NRG1: variants seen among roughly 807,000 people sequenced by gnomAD.
The protein encoded by NRG1 is neuregulin 1.
In NRG1, 18 loss-of-function variants were observed where a neutral mutation model predicts 63.8. That is an observed-to-expected ratio of 0.28 (90% CI 0.19 to 0.42). NRG1 has a LOEUF of 0.42. Among genes scored for constraint, NRG1 ranks in the 10% least tolerant of loss-of-function variants. The pLI is 1.00. For synonymous variants in NRG1, 302 were observed against 301.3 expected, an observed-to-expected ratio of 1.00 and a Z score of -0.02; for missense variants, 762 against 814.7, an observed-to-expected ratio of 0.94 and a Z score of 0.79.
chr8:31,725,533 G>A (rs559579503), intron 1 of NRG1, among the ~76,000 whole-genome samples: 2 of 152,192 alleles, frequency 1.3e-5, no homozygotes, highest in East Asian at 3.9e-4. Flanking sequence ...TCCAGGCACA[G>A]CATTCTGGAT....
chr8:32,326,404 T>C (rs1586841460), intron 1 of NRG1, among the ~76,000 whole-genome samples: 1 of 150,952 alleles, frequency 6.6e-6, no homozygotes, highest in South Asian at 2.1e-4. Context: ...TTCAACTTCC[T>C]GGGCTCAAGC....
intron 1 of NRG1, among the ~76,000 whole-genome samples, chr8:31,813,138 CT>C (rs1823049781): frequency 6.6e-6 from 1 of 152,144 alleles, no homozygotes. Context: ...TCATAGTTTA[CT>C]AAAATTGTTA....
intron 1 of NRG1, among the ~76,000 whole-genome samples, chr8:31,779,402 G>A (rs1006113329): frequency 6.6e-6 from 1 of 151,836 alleles, no homozygotes; most frequent in Non-Finnish European, 1.5e-5. Flanking sequence ...CAGATTGCAG[G>A]CTTTTCTCCG....
At chr8:32,761,876 T>TA (rs1830740211) in intron 11 of NRG1, among the ~76,000 whole-genome samples, 1 of 151,572 alleles carries the variant, frequency 6.6e-6, no homozygotes, top group Non-Finnish European at 1.5e-5. Context: ...CCATCTCTAC[T>TA]AAAAATACAA....
rs1037028152 is a variant in NRG1, at chr8:32,132,133, T to C, written c.38-463695T>C. ...TCATGTTTGAGAAGCAATAATGATA[T>C]GGCAAGAGAGAGGTAAGGGACTACA... On this transcript the variant is annotated intron_variant, in intron 1 of 10. Transcript: ENST00000519301. Among the ~76,000 whole-genome samples, 5 of 152,044 alleles carry C rather than the reference T, an allele frequency of 3.3e-5. No homozygotes were observed. In the South Asian group the frequency reaches 6.2e-4, roughly 19 times the overall value.
intron 1 of NRG1, among the ~76,000 whole-genome samples, chr8:32,450,429 A>C (rs774577517): frequency 6.6e-6 from 1 of 151,976 alleles, no homozygotes; most frequent in Non-Finnish European, 1.5e-5. Context: ...AAAGAAAAAA[A>C]AAATTGAGAC....
intron 1 of NRG1, among the ~76,000 whole-genome samples, chr8:32,344,036 G>A (rs992304862): frequency 2.0e-5 from 3 of 152,270 alleles, no homozygotes; most frequent in East Asian, 1.9e-4. Context: ...ACAGGCTGTT[G>A]TAAAGTCTAG....
intron 1 of NRG1, among the ~76,000 whole-genome samples, chr8:31,944,933 T>C (rs1483308870): frequency 1.3e-5 from 2 of 152,194 alleles, no homozygotes; most frequent in Non-Finnish European, 2.9e-5. Flanking sequence ...AAGTAGACAG[T>C]TAACTTATCA....
At chr8:31,982,903 G>A (rs1019836572) in intron 1 of NRG1, among the ~76,000 whole-genome samples, 2 of 152,064 alleles carry the variant, frequency 1.3e-5, no homozygotes, top group African/African-American at 4.8e-5. Context: ...ATTTATTCCT[G>A]CCGAGTAATC....
At chr8:32,384,776 C>T (rs1199759358) in intron 1 of NRG1, among the ~76,000 whole-genome samples, 6 of 152,126 alleles carry the variant, frequency 3.9e-5, no homozygotes, top group Non-Finnish European at 8.8e-5. Context: ...TTTTGTTTTG[C>T]CTACGTGTAA....
chr8:32,400,459 A>G (rs1334640258), intron 1 of NRG1, among the ~76,000 whole-genome samples: 2 of 152,188 alleles, frequency 1.3e-5, no homozygotes, highest in Admixed American at 6.5e-5. Flanking sequence ...CAAGCAACAA[A>G]CAAACCCATT....
intron 1 of NRG1, among the ~76,000 whole-genome samples, chr8:31,822,894 G>C (rs929909662): frequency 1.4e-4 from 21 of 152,052 alleles, no homozygotes; most frequent in Admixed American, 1.2e-3. Context: ...ATTTTCATTG[G>C]TACCCAAGAA....
At chr8:32,548,114 G>A (rs2129523020), upstream of NRG1, 2 of 704,698 alleles carry the variant, frequency 2.8e-6, no homozygotes, top group East Asian at 1.3e-4. Flanking sequence ...AGCGCGGGAG[G>A]AAAAGGGGCT....
At chr8:31,889,420 A>G (rs560612139) in intron 1 of NRG1, among the ~76,000 whole-genome samples, 3 of 152,278 alleles carry the variant, frequency 2.0e-5, no homozygotes, top group African/African-American at 7.2e-5. Flanking sequence ...CAAACATCCC[A>G]TGGAAATGGC....
intron 1 of NRG1, among the ~76,000 whole-genome samples, chr8:32,324,141 A>G (rs573181578): frequency 6.6e-6 from 1 of 152,092 alleles, no homozygotes; most frequent in East Asian, 1.9e-4. Flanking sequence ...ATTCAACCAG[A>G]CTTCTGGTAT....
At chr8:31,653,507 T>C (rs545454075) in intron 1 of NRG1, among the ~76,000 whole-genome samples, 1 of 152,248 alleles carries the variant, frequency 6.6e-6, no homozygotes, top group South Asian at 2.1e-4. Flanking sequence ...CCAGACCAAA[T>C]TGGCTGAAAT....
intron 1 of NRG1, among the ~76,000 whole-genome samples, chr8:31,738,181 CG>C (rs1814887300): frequency 6.6e-6 from 1 of 151,968 alleles, no homozygotes; most frequent in Admixed American, 6.6e-5. Context: ...GTCCTCATAG[CG>C]GCCACGGAGA....
intron 1 of NRG1, among the ~76,000 whole-genome samples, chr8:31,813,900 T>C (rs1222464238): frequency 3.3e-5 from 5 of 152,200 alleles, no homozygotes; most frequent in African/African-American, 9.6e-5. Context: ...TCAAGTATCA[T>C]GATTATGCCT....
chr8:31,937,079 A>G (rs555750658), intron 1 of NRG1, among the ~76,000 whole-genome samples: 2 of 152,338 alleles, frequency 1.3e-5, no homozygotes, highest in South Asian at 2.1e-4. Flanking sequence ...AAACTTATAT[A>G]AGCTTCTACA....
Sources: allele counts gnomAD v4.1 joint callset (sites outside exome capture counted in the v4.1 genomes callset), GRCh38; gene constraint gnomAD v4.1.1; transcripts MANE v1.5; gene names NCBI Gene and HGNC (gene_info 2026-07-23, HGNC 2026-07-21).